COMMD10: variants seen among roughly 807,000 people sequenced by gnomAD.
COMMD10 encodes COMM domain-containing protein 10.
Under a neutral mutation model 28.9 loss-of-function variants are expected in COMMD10, and 33 were observed. The ratio of observed to expected loss-of-function variants is 1.14; its 90% CI spans 0.87 to 1.53. The LOEUF (loss-of-function observed/expected upper bound fraction) is 1.53. Ranked by LOEUF, COMMD10 falls within the 40% of genes most tolerant of loss-of-function variation. The probability of loss-of-function intolerance (pLI) is 0.00; values close to 1 mark genes in which losing one functional copy is unlikely to be tolerated. For missense variants in COMMD10, 310 were observed against 233.4 expected (o/e 1.33, Z -2.14); for synonymous variants, 110 against 81.7 (o/e 1.35, Z -1.87).
At chr5:116,203,319 G>A (rs1292017225) in intron 5 of COMMD10, among the ~76,000 whole-genome samples, 1 of 152,120 alleles carries the variant, frequency 6.6e-6, no homozygotes, top group Non-Finnish European at 1.5e-5. Context: ...ACACTCTGCA[G>A]GATATTGTCC....
At chr5:116,181,704 T>A (rs1747971356) in intron 5 of COMMD10, among the ~76,000 whole-genome samples, 1 of 151,998 alleles carries the variant, frequency 6.6e-6, no homozygotes, top group African/African-American at 2.4e-5. Context: ...GTGGAACCGT[T>A]TGACCTAATC....
chr5:116,187,674 A>G (rs1047058076), intron 5 of COMMD10, among the ~76,000 whole-genome samples: 4 of 152,108 alleles, frequency 2.6e-5, no homozygotes, highest in Admixed American at 2.6e-4. Flanking sequence ...TTAAATATCC[A>G]ACGGAAATTT....
At chr5:116,165,326 A>G (rs1167024251) in intron 5 of COMMD10, among the ~76,000 whole-genome samples, 4 of 152,132 alleles carry the variant, frequency 2.6e-5, no homozygotes, top group Non-Finnish European at 1.5e-5. Context: ...TGGTAATTGT[A>G]TTTAAGGAGT....
In COMMD10 at chr5:116,091,188, A is replaced by G. The variant is rs1310796823; in HGVS notation, c.242A>G (p.Gln81Arg). 9 of 1,544,162 alleles carry G rather than the reference A, an allele frequency of 5.8e-6. No individual in the cohort carries two copies. Among genetic ancestry groups the G allele is most frequent in the Non-Finnish European group, 8.0e-6 (9 of 1,121,544 alleles). ...GAAACAATATCATTTATTTTAGAAC[A>G]GGTATTTTTATTGCATCAAATTTTC... ...VLETISFILE[Q>R]AVYHNVKPAA... The change falls in exon 3 of 7, where the codon CAG becomes CGG. Residue 81 changes from glutamine (Q) to arginine (R), a missense_variant and splice_region_variant. Coordinates refer to ENST00000274458, the MANE Select transcript of COMMD10 (RefSeq NM_016144.4).
intron 5 of COMMD10, among the ~76,000 whole-genome samples, chr5:116,198,593 G>A (rs888981283): frequency 2.6e-5 from 4 of 152,096 alleles, no homozygotes; most frequent in African/African-American, 9.7e-5. Flanking sequence ...ATTTGGACAA[G>A]TGTATAATGA....
At chr5:116,150,576 C>A (rs1342412969) in intron 5 of COMMD10, among the ~76,000 whole-genome samples, 1 of 138,276 alleles carries the variant, frequency 7.2e-6, no homozygotes, top group African/African-American at 3.0e-5. Context: ...CCTTCACATC[C>A]CTTGTAAGTT....
rs182817379 is a variant in COMMD10, at chr5:116,286,832, A to G, written c.511-4685A>G. 2.7e-3 allele frequency among the ~76,000 whole-genome samples: 412 copies of G among 151,854 alleles called. 12 individuals carry two copies. Among genetic ancestry groups the G allele is most frequent in the African/African-American group, 9.3e-3 (383 of 41,274 alleles). ...GGTACTCAACAATACATGTTCTGCT[A>G]TTTTTGATTAGAGTGTTCCGTATAT... On this transcript the variant is annotated intron_variant, in intron 5 of 6. Transcript: ENST00000274458.
intron 4 of COMMD10, among the ~76,000 whole-genome samples, chr5:116,094,205 G>C (rs577914456): frequency 3.9e-5 from 6 of 152,224 alleles, no homozygotes; most frequent in Middle Eastern, 6.8e-3. Flanking sequence ...CTGTACATTA[G>C]AGGAAACAAT....
chr5:116,157,044 C>A (rs1211620062), intron 5 of COMMD10, among the ~76,000 whole-genome samples: 3 of 152,066 alleles, frequency 2.0e-5, no homozygotes, highest in Non-Finnish European at 4.4e-5. Context: ...AATATTTCAT[C>A]CTCTGAGTTT....
intron 5 of COMMD10, among the ~76,000 whole-genome samples, chr5:116,176,859 C>G (rs1460988054): frequency 6.6e-6 from 1 of 152,004 alleles, no homozygotes; most frequent in Admixed American, 6.6e-5. Flanking sequence ...ACGTGAGTAA[C>G]TATAAAAGTG....
intron 4 of COMMD10, among the ~76,000 whole-genome samples, chr5:116,095,817 AG>A (rs1750450593): frequency 6.6e-6 from 1 of 152,070 alleles, no homozygotes; most frequent in African/African-American, 2.4e-5. Flanking sequence ...TGCAGGTCAA[AG>A]TTCATTTTTT....
chr5:116,204,130 A>G lies in COMMD10; in HGVS notation c.510+69952A>G, dbSNP rs575169688. The stretch of plus-strand genomic sequence containing the variant: ...ACAGACTTTAAACCAACAAAGATCA[A>G]AAGAGACAAAGAAGGCCATTACATC... On this transcript the variant is annotated intron_variant, in intron 5 of 6. Transcript: ENST00000274458. Among the ~76,000 whole-genome samples, 3 of 152,078 alleles carry G rather than the reference A, an allele frequency of 2.0e-5. No homozygotes were observed. The East Asian group carries it at 5.8e-4, about 29-fold the overall frequency.
intron 5 of COMMD10, among the ~76,000 whole-genome samples, chr5:116,186,096 A>G (rs1481404429): frequency 6.6e-6 from 1 of 152,116 alleles, no homozygotes; most frequent in Non-Finnish European, 1.5e-5. Context: ...TTCTCCCTGT[A>G]GACTTTTTAC....
At chr5:116,195,879 A>G (rs913155124) in intron 5 of COMMD10, among the ~76,000 whole-genome samples, 3 of 152,204 alleles carry the variant, frequency 2.0e-5, no homozygotes, top group East Asian at 1.9e-4. Flanking sequence ...CAAAACCACA[A>G]TGCAATACCA....
At chr5:116,221,874 T>G (rs1749268928) in intron 5 of COMMD10, among the ~76,000 whole-genome samples, 1 of 152,026 alleles carries the variant, frequency 6.6e-6, no homozygotes, top group Admixed American at 6.6e-5. Context: ...ACACATAACA[T>G]AGACAGGTAG....
At chr5:116,215,561 C>T (rs1293310302) in intron 5 of COMMD10, among the ~76,000 whole-genome samples, 1 of 151,488 alleles carries the variant, frequency 6.6e-6, no homozygotes, top group Non-Finnish European at 1.5e-5. Flanking sequence ...GTGGCGTGTG[C>T]CTGTAGTTCC....
chr5:116,285,996 A>G (rs910040220), intron 5 of COMMD10, among the ~76,000 whole-genome samples: 3 of 151,714 alleles, frequency 2.0e-5, no homozygotes, highest in Non-Finnish European at 4.4e-5. Context: ...GGTCCTGGGC[A>G]TTTCTTTGTT....
intron 5 of COMMD10, among the ~76,000 whole-genome samples, chr5:116,183,894 TTGAGATTATA>T (rs1280852224): frequency 6.6e-6 from 1 of 152,106 alleles, no homozygotes; most frequent in African/African-American, 2.4e-5. Context: ...TAGGATGTTT[TTGAGATTATA>T]TGTTTCCATG....
intron 4 of COMMD10, among the ~76,000 whole-genome samples, chr5:116,120,540 C>A (rs1243755736): frequency 6.6e-6 from 1 of 152,076 alleles, no homozygotes; most frequent in Non-Finnish European, 1.5e-5. Context: ...AGAGTATTTT[C>A]ATTACCCTCA....
Sources: gnomAD v4.1 joint callset for allele counts (sites outside exome capture counted in the v4.1 genomes callset) on GRCh38, gnomAD v4.1.1 for gene constraint, MANE v1.5 for transcripts, NCBI Gene and HGNC (gene_info 2026-07-23, HGNC 2026-07-21) for gene names.